Variants in ATP2B2 observed in about 807,000 individuals in gnomAD.
ATP2B2 encodes the protein ATPase plasma membrane Ca2+ transporting 2.
Under a neutral mutation model 120.0 loss-of-function variants are expected in ATP2B2, and 15 were observed. The observed-to-expected ratio is 0.12, with a 90% CI of 0.08 to 0.19. ATP2B2 has a LOEUF of 0.19. Ranked by LOEUF, ATP2B2 falls within the 10% of genes least tolerant of loss-of-function variation. The probability of loss-of-function intolerance (pLI) is 1.00; values close to 1 mark genes in which losing one functional copy is unlikely to be tolerated. For missense variants in ATP2B2, 1,045 were observed against 1,719.8 expected (o/e 0.61, Z 6.94); for synonymous variants, 694 against 700.3 (o/e 0.99, Z 0.14).
chr3:10,508,839 G>A (rs901976778), upstream of ATP2B2, among the ~76,000 whole-genome samples: 1 of 152,234 alleles, frequency 6.6e-6, no homozygotes, highest in Non-Finnish European at 1.5e-5. Flanking sequence ...GGGGGAAAGA[G>A]GCAAGAGGCC....
chr3:10,456,917 C>T (rs1251152178), intron 1 of ATP2B2, among the ~76,000 whole-genome samples: 1 of 152,252 alleles, frequency 6.6e-6, no homozygotes, highest in East Asian at 1.9e-4. Flanking sequence ...AACAGGTGAA[C>T]TCAGCCTGCA....
chr3:10,661,363 C>G (rs1361446763), intron 1 of ATP2B2, among the ~76,000 whole-genome samples: 1 of 152,174 alleles, frequency 6.6e-6, no homozygotes, highest in Non-Finnish European at 1.5e-5. Flanking sequence ...CATCTCAGCC[C>G]AAAATCTCCT....
At chr3:10,637,623 T>C (rs1387287371) in intron 1 of ATP2B2, among the ~76,000 whole-genome samples, 1 of 151,954 alleles carries the variant, frequency 6.6e-6, no homozygotes, top group Non-Finnish European at 1.5e-5. Flanking sequence ...AATAAGAAAC[T>C]GAAAAGAGTA....
chr3:10,392,431 C>A (rs868755039), intron 5 of ATP2B2, among the ~76,000 whole-genome samples: 5 of 152,048 alleles, frequency 3.3e-5, no homozygotes, highest in South Asian at 2.1e-4. Context: ...CTAGACCGTT[C>A]CCCTTCAGCT....
At chr3:10,331,834 C>T in intron 22 of ATP2B2, 1 of 675,680 alleles carries the variant, frequency 1.5e-6, no homozygotes, top group Non-Finnish European at 2.4e-6. Context: ...CAGGGAGACC[C>T]ATGCCCGTTG....
intron 2 of ATP2B2, among the ~76,000 whole-genome samples, chr3:10,418,778 G>A (rs547805166): frequency 2.6e-5 from 4 of 152,246 alleles, no homozygotes; most frequent in African/African-American, 7.2e-5. Flanking sequence ...CAATAATCAC[G>A]TCCCCCAAAC....
chr3:10,687,600 C>T (rs1575624695), intron 1 of ATP2B2, among the ~76,000 whole-genome samples: 4 of 152,118 alleles, frequency 2.6e-5, no homozygotes, highest in Admixed American at 2.6e-4. Context: ...GTGGCTCATG[C>T]CTGTAATCCC....
In ATP2B2 at chr3:10,470,348, C is replaced by T. The variant is rs573995136; in HGVS notation, c.-319-20486G>A. Among the ~76,000 whole-genome samples, 9 of 152,248 alleles carry T rather than the reference C, an allele frequency of 5.9e-5. No individual in the cohort carries two copies. In the South Asian group the frequency reaches 1.9e-3, roughly 32 times the overall value. ...GAAACTGAGGCTCAGAGAGATTGAG[C>T]AACCTGCTTAAGATCACCTAGCTGG... is the stretch of plus-strand genomic sequence containing the variant. On this transcript the variant is annotated intron_variant, in intron 1 of 22. Coordinates refer to ENST00000360273, the MANE Select transcript of ATP2B2 (RefSeq NM_001001331.4).
chr3:10,427,498 A>T (rs1325437306), intron 2 of ATP2B2, among the ~76,000 whole-genome samples: 1 of 152,138 alleles, frequency 6.6e-6, no homozygotes, highest in African/African-American at 2.4e-5. Flanking sequence ...ATAATGTCTA[A>T]CACCCATTGT....
chr3:10,470,704 C>T (rs2064948399), intron 1 of ATP2B2, among the ~76,000 whole-genome samples: 1 of 152,166 alleles, frequency 6.6e-6, no homozygotes. Flanking sequence ...CTCTGCCAGG[C>T]CTCGGGGCAT....
chr3:10,510,429 G>A (rs77313615), upstream of ATP2B2, among the ~76,000 whole-genome samples: 221 of 152,390 alleles, frequency 1.5e-3, no homozygotes, highest in African/African-American at 4.9e-3. Context: ...GGAACTGCAG[G>A]AGGCCCTGTG....
intron 11 of ATP2B2, among the ~76,000 whole-genome samples, chr3:10,372,584 C>T (rs749628126): frequency 4.0e-4 from 61 of 152,126 alleles, no homozygotes; most frequent in Non-Finnish European, 4.9e-4. Flanking sequence ...GATAGAATTA[C>T]AGATTTTTGT....
At chr3:10,647,480 A>G (rs563503413) in intron 1 of ATP2B2, among the ~76,000 whole-genome samples, 31 of 152,358 alleles carry the variant, frequency 2.0e-4, no homozygotes, top group African/African-American at 7.5e-4. Context: ...TTCATGAATA[A>G]GAGGATGGCT....
At chr3:10,584,746 A>C (rs1266487075) in intron 2 of ATP2B2, among the ~76,000 whole-genome samples, 3 of 151,914 alleles carry the variant, frequency 2.0e-5, no homozygotes, top group Non-Finnish European at 4.4e-5. Context: ...ACTTCCCAGC[A>C]CTCATTCCTG....
chr3:10,506,890 A>G (rs1421309531), upstream of ATP2B2, among the ~76,000 whole-genome samples: 5 of 152,276 alleles, frequency 3.3e-5, no homozygotes, highest in Non-Finnish European at 5.9e-5. Flanking sequence ...CAGAATACCA[A>G]TTTGTCTCGT....
intron 3 of ATP2B2, among the ~76,000 whole-genome samples, chr3:10,512,198 G>A (rs544813452): frequency 9.2e-5 from 14 of 152,092 alleles, no homozygotes; most frequent in African/African-American, 2.4e-4. Flanking sequence ...TCTCTCTGTC[G>A]TCTTCCTGCT....
chr3:10,680,521 C>T (rs1247362183), intron 1 of ATP2B2, among the ~76,000 whole-genome samples: 1 of 152,110 alleles, frequency 6.6e-6, no homozygotes, highest in Non-Finnish European at 1.5e-5. Flanking sequence ...TGACCTTGGG[C>T]AGGCCATCGT....
intron 1 of ATP2B2, among the ~76,000 whole-genome samples, chr3:10,672,810 G>C (rs1406911925): frequency 4.6e-5 from 7 of 152,212 alleles, no homozygotes; most frequent in Non-Finnish European, 7.3e-5. Flanking sequence ...TGGGCTGAAG[G>C]GAAGCCAAAG....
At chr3:10,615,943 G>T (rs557582407) in intron 2 of ATP2B2, among the ~76,000 whole-genome samples, 1 of 152,122 alleles carries the variant, frequency 6.6e-6, no homozygotes, top group East Asian at 1.9e-4. Context: ...GTTGCTTCTG[G>T]GTCTCGCTGG....
Sources: gnomAD v4.1 joint callset for allele counts (sites outside exome capture counted in the v4.1 genomes callset) on GRCh38, gnomAD v4.1.1 for gene constraint, MANE v1.5 for transcripts, NCBI Gene and HGNC (gene_info 2026-07-23, HGNC 2026-07-21) for gene names.